The following ANKRD6 variants were observed in gnomAD, a reference collection of about 807,000 sequenced individuals.
ANKRD6 encodes ankyrin repeat domain 6.
In ANKRD6, 56 loss-of-function variants were observed where a neutral mutation model predicts 82.3. That is an observed-to-expected ratio of 0.68 (90% confidence interval 0.55 to 0.85). The LOEUF (loss-of-function observed/expected upper bound fraction) is 0.85, where lower values mean the gene tolerates loss of function less well. ANKRD6 is among the 40% of genes least tolerant of loss of function. The pLI is 0.00. For synonymous variants in ANKRD6, 347 were observed against 352.1 expected, an observed-to-expected ratio of 0.99 and a Z score of 0.16; for missense variants, 852 against 907.6, an observed-to-expected ratio of 0.94 and a Z score of 0.79.
intron 7 of ANKRD6, among the ~76,000 whole-genome samples, chr6:89,614,594 C>T (rs373277683): frequency 6.6e-6 from 1 of 152,134 alleles, no homozygotes; most frequent in Admixed American, 6.5e-5. Flanking sequence ...TGCAGTGAAC[C>T]GAGATCATGC....
At chr6:89,624,967 C>T (rs1805100183) in intron 13 of ANKRD6, among the ~76,000 whole-genome samples, 1 of 152,226 alleles carries the variant, frequency 6.6e-6, no homozygotes, top group Non-Finnish European at 1.5e-5. Flanking sequence ...TATAAGCCCA[C>T]TGTGCTGAAA....
chr6:89,532,899 G>C (rs1266844869), intron 1 of ANKRD6, among the ~76,000 whole-genome samples: 3 of 150,198 alleles, frequency 2.0e-5, no homozygotes, highest in Non-Finnish European at 3.0e-5. Context: ...TTTTGAGATG[G>C]AGTCTCGCTC....
At chr6:89,507,907 G>A (rs1458863757) in intron 1 of ANKRD6, among the ~76,000 whole-genome samples, 1 of 152,080 alleles carries the variant, frequency 6.6e-6, no homozygotes, top group African/African-American at 2.4e-5. Flanking sequence ...TCCTGTAGCT[G>A]TGTCCTAGAA....
At position 89,574,156 on chromosome 6, in the gene ANKRD6, T is replaced by C. The variant is rs892817166; in HGVS notation, c.120+7060T>C. On this transcript the variant is annotated intron_variant, in intron 2 of 15. Transcript: ENST00000339746. ...CTGCTGCTTATTAAAGGCTTATTAA[T>C]GTAGGCCAGGGTTGTTCAGCCTTAG... 3.3e-5 allele frequency among the ~76,000 whole-genome samples: 5 copies of C among 152,338 alleles called. No individual in the cohort carries two copies. The East Asian group carries it at 9.6e-4, about 29-fold the overall frequency.
At chr6:89,482,994 A>G (rs1023225746) in intron 1 of ANKRD6, among the ~76,000 whole-genome samples, 1 of 152,218 alleles carries the variant, frequency 6.6e-6, no homozygotes, top group African/African-American at 2.4e-5. Flanking sequence ...ATATTGATCT[A>G]TAAACAAACC....
chr6:89,483,518 T>C (rs1354905078), intron 1 of ANKRD6: 2 of 152,390 alleles, frequency 1.3e-5, no homozygotes, highest in East Asian at 3.9e-4. Flanking sequence ...GGCTTTGCCT[T>C]TGTGAGGCCT....
chr6:89,506,320 ATTTATT>A (rs1004896248), intron 1 of ANKRD6, among the ~76,000 whole-genome samples: 6 of 152,088 alleles, frequency 3.9e-5, no homozygotes, highest in Admixed American at 3.9e-4. Context: ...ATACAATTTT[ATTTATT>A]TTTATTTTTT....
chr6:89,515,441 T>C (rs1781086439), intron 1 of ANKRD6, among the ~76,000 whole-genome samples: 1 of 152,224 alleles, frequency 6.6e-6, no homozygotes, highest in Non-Finnish European at 1.5e-5. Flanking sequence ...CACACAGATT[T>C]TTTTGTTTGT....
intron 2 of ANKRD6, among the ~76,000 whole-genome samples, chr6:89,575,686 C>G (rs1386446626): frequency 6.6e-6 from 1 of 152,056 alleles, no homozygotes; most frequent in Non-Finnish European, 1.5e-5. Flanking sequence ...TTGCTTGTCC[C>G]CAGAGGCTTG....
chr6:89,623,904 C>T lies in ANKRD6; in HGVS notation c.1065C>T (p.Ala355=), dbSNP rs761191637. 1.5e-5 allele frequency: 24 copies of T among 1,613,604 alleles called. 1 individual carries two copies. The highest frequency in any genetic ancestry group is 1.2e-4 in the South Asian group (11 of 91,066). The change falls in exon 12 of 16, where the codon GCC becomes GCT. Residue 355 remains alanine (A), a synonymous_variant. Coordinates refer to ENST00000339746, the MANE Select transcript of ANKRD6 (RefSeq NM_001242809.2). ...VSAFSDPTPP[A]DQQPGHQKNL... ...CATTTTCTGACCCCACCCCACCAGC[C>T]GACCAACAGCCTGGACACCAGAAGA...
In ANKRD6 at chr6:89,544,743, CAAAA is replaced by C. The variant is rs1020323051; in HGVS notation, c.-143-22087_-143-22084del. Among the ~76,000 whole-genome samples the C allele has an allele frequency of 4.6e-5, 7 of 151,822 alleles. No homozygotes were observed. In the East Asian group the frequency reaches 5.9e-4, roughly 13 times the overall value. The stretch of plus-strand genomic sequence containing the variant: ...AAAACCCCAAAAAACAAAAAACAAA[CAAAA>C]AAACCAGTGGGTCCTGAAAGTCCTT... On this transcript the variant is annotated intron_variant, in intron 1 of 15. Transcript: ENST00000339746.
chr6:89,544,527 G>A (rs111707472), intron 1 of ANKRD6, among the ~76,000 whole-genome samples: 9,160 of 151,186 alleles, frequency 0.061, 334 homozygotes, highest in Non-Finnish European at 0.08. Context: ...ATCCTGGCTA[G>A]CACGGTGAAA....
chr6:89,500,348 A>T (rs1262150334), intron 1 of ANKRD6, among the ~76,000 whole-genome samples: 1 of 152,160 alleles, frequency 6.6e-6, no homozygotes, highest in Non-Finnish European at 1.5e-5. Flanking sequence ...GATATTGAAG[A>T]TAGAAATACT....
Position 89,452,756 on chromosome 6 carries a change from A to G in ANKRD6, c.-144+19381A>G, listed in dbSNP as rs373406240. On this transcript the variant is annotated intron_variant, in intron 1 of 15. Transcript: ENST00000339746. Reference sequence around the variant, plus strand: ...GAATTACCTCACTTGGAAATGGACAATAAAGATGCCCTTTACGAGAAGTCT... The same window carrying G: ...GAATTACCTCACTTGGAAATGGACAGTAAAGATGCCCTTTACGAGAAGTCT... Among the ~76,000 whole-genome samples the G allele has an allele frequency of 8.5e-5, 13 of 152,310 alleles. 1 individual carries two copies. In the South Asian group the frequency reaches 2.3e-3, roughly 27 times the overall value.
chr6:89,473,392 G>C lies in ANKRD6; in HGVS notation c.-144+40017G>C, dbSNP rs1582795188. 3.4e-5 allele frequency among the ~76,000 whole-genome samples: 5 copies of C among 148,830 alleles called. 1 individual carries two copies. Among genetic ancestry groups the C allele is most frequent in the African/African-American group, 1.2e-4 (5 of 40,244 alleles). The stretch of plus-strand genomic sequence containing the variant: ...CACTCCAGCCTGGGCGATAGAGTGA[G>C]ACTCTGTCTAAAAAAAAAAAAAAAG... On this transcript the variant is annotated intron_variant, in intron 1 of 15. Transcript: ENST00000339746.
intron 3 of ANKRD6, among the ~76,000 whole-genome samples, chr6:89,599,748 TA>T (rs2128166283): frequency 6.6e-6 from 1 of 152,334 alleles, no homozygotes; most frequent in Admixed American, 6.5e-5. Context: ...TCAGAGCCTT[TA>T]ATTCTCATCT....
At chr6:89,479,560 C>T (rs1776511932) in intron 1 of ANKRD6, among the ~76,000 whole-genome samples, 1 of 149,978 alleles carries the variant, frequency 6.7e-6, no homozygotes, top group African/African-American at 2.4e-5. Flanking sequence ...TGCATAAAGC[C>T]TTTTTCCATA....
At chr6:89,472,964 C>A (rs910506914) in intron 1 of ANKRD6, among the ~76,000 whole-genome samples, 1 of 152,144 alleles carries the variant, frequency 6.6e-6, no homozygotes, top group African/African-American at 2.4e-5. Context: ...TTCTTTAAAT[C>A]GGAGATTATT....
chr6:89,442,500 G>A (rs1201643697), intron 1 of ANKRD6, among the ~76,000 whole-genome samples: 2 of 151,626 alleles, frequency 1.3e-5, no homozygotes, highest in African/African-American at 4.8e-5. Context: ...GTGCATGTTT[G>A]TAGTCCCAGC....
Sources: allele counts gnomAD v4.1 joint callset (sites outside exome capture counted in the v4.1 genomes callset), GRCh38; gene constraint gnomAD v4.1.1; transcripts MANE v1.5; gene names NCBI Gene and HGNC (gene_info 2026-07-23, HGNC 2026-07-21).